Variants in KANK2 observed in about 807,000 individuals in gnomAD.
The protein encoded by KANK2 is KN motif and ankyrin repeat domain-containing protein 2.
Under a neutral mutation model 74.6 loss-of-function variants are expected in KANK2, and 41 were observed. The observed-to-expected ratio is 0.55, with a 90% confidence interval of 0.43 to 0.71. The LOEUF (loss-of-function observed/expected upper bound fraction) is 0.71, where lower values mean the gene tolerates loss of function less well. KANK2 is among the 30% of genes least tolerant of loss of function. The probability of loss-of-function intolerance (pLI) is 0.00; values close to 1 mark genes in which losing one functional copy is unlikely to be tolerated. For missense variants in KANK2, 1,148 were observed against 1,196.4 expected (o/e 0.96, Z 0.60); for synonymous variants, 537 against 519.0 (o/e 1.03, Z -0.47).
intron 4 of KANK2, among the ~76,000 whole-genome samples, chr19:11,187,462 T>C (rs1348893812): frequency 6.6e-6 from 1 of 151,606 alleles, no homozygotes; most frequent in Non-Finnish European, 1.5e-5. Flanking sequence ...AATAAGTTTC[T>C]GGAAGGTGGT....
intron 10 of KANK2, among the ~76,000 whole-genome samples, chr19:11,172,718 C>T (rs1362263966): frequency 6.6e-6 from 1 of 152,152 alleles, no homozygotes; most frequent in Non-Finnish European, 1.5e-5. Context: ...CCATTTCAGT[C>T]CCCAGTTTTC....
In KANK2 at chr19:11,176,090, G is replaced by A. The variant is rs934478402; in HGVS notation, c.1761-101C>T. On this transcript the variant is annotated intron_variant, in intron 7 of 12. Coordinates refer to ENST00000586659, the MANE Select transcript of KANK2 (RefSeq NM_001136191.3). ...CACGTCACTCACAATAGGGTCACCTGAATGGTGGCATCTCAGACCCTCCTT... is the reference window on the plus strand; with the variant it reads ...CACGTCACTCACAATAGGGTCACCTAAATGGTGGCATCTCAGACCCTCCTT... 2.1e-5 allele frequency: 18 copies of A among 853,388 alleles called. No homozygotes were observed. In the South Asian group the frequency reaches 2.9e-4, roughly 14 times the overall value. The allele number at this position is 853,388 out of a possible 1,614,324, so 52.9% of individuals were successfully genotyped here. A position where few individuals can be genotyped will look rare whatever the true frequency, so the allele number is the denominator to read the frequency against.
rs948670847 is a variant in KANK2, at chr19:11,170,765, A to G, written c.2212-517T>C. Among the ~76,000 whole-genome samples the G allele has an allele frequency of 2.0e-5, 3 of 151,986 alleles. No individual in the cohort carries two copies. Among genetic ancestry groups the G allele is most frequent in the African/African-American group, 7.2e-5 (3 of 41,386 alleles). ...GCCACAATGCCTGGCTAATTTTTGT[A>G]TCTTTTGTATAGATAGGGTTTTGCC... On this transcript the variant is annotated intron_variant, in intron 10 of 12. Transcript: ENST00000586659. The surrounding 1 kb of genome is among the most constrained non-coding windows in gnomAD (Gnocchi z 5.2).
chr19:11,185,657 A>G (rs1295690096), intron 4 of KANK2, among the ~76,000 whole-genome samples: 1 of 150,346 alleles, frequency 6.7e-6, no homozygotes, highest in Non-Finnish European at 1.5e-5. Flanking sequence ...AAAATGGAGA[A>G]AGGCTACAAG....
In KANK2 at chr19:11,176,694, C is replaced by G; in HGVS notation, c.1644G>C (p.Arg548Ser). 1 of 1,613,398 alleles carries G rather than the reference C, an allele frequency of 6.2e-7. No homozygotes were observed. The highest frequency in any genetic ancestry group is 2.2e-5 in the East Asian group (1 of 44,852). ...TCTTGGCCGCTGCCGTCCCTGCAGG[C>G]CTGAGCTGGGGGGCTTCGGCCACAC... ...VPSVAEAPQL[R>S]PAGTAAAKTS... The change falls in exon 7 of 13, where the codon AGG (arginine) becomes AGC (serine). Residue 548 changes from arginine to serine, a missense_variant. Arg to Ser is a moderately radical substitution (Grantham distance 110). Transcript: ENST00000586659.
At chr19:11,178,267 A>C in intron 6 of KANK2, 78 bp downstream of exon 6, 4 of 1,129,442 alleles carry the variant, frequency 3.5e-6, no homozygotes, top group Non-Finnish European at 4.6e-6. Flanking sequence ...GAATGAGGTA[A>C]TTAGGAGGCT....
At chr19:11,175,289 G>T (rs142784853) in intron 8 of KANK2, among the ~76,000 whole-genome samples, 1 of 151,582 alleles carries the variant, frequency 6.6e-6, no homozygotes. Flanking sequence ...TTAGCCAGAC[G>T]TGGTGGCACA....
intron 4 of KANK2, among the ~76,000 whole-genome samples, chr19:11,183,440 G>T (rs957315022): frequency 6.6e-6 from 1 of 152,190 alleles, no homozygotes; most frequent in South Asian, 2.1e-4. Context: ...AAGCTAAAGG[G>T]AGATAATGTA....
Position 11,176,788 on chromosome 19 carries a change from G to C in KANK2, c.1550C>G (p.Thr517Arg). The change falls in exon 7 of 13, where the codon ACA (threonine) becomes AGA (arginine). Residue 517 changes from threonine (T) to arginine (R), a missense_variant. Physicochemically the swap from Thr to Arg is moderately conservative, Grantham distance 71. Coordinates refer to ENST00000586659, the MANE Select transcript of KANK2 (RefSeq NM_001136191.3). ...GTCGTTGTCTGAGATGTTCTCTGCT[G>C]TGCTGGAGTCCTCGGATGACGACTC... ...GYESSSEDSS[T>R]AENISDNDST... 1 of 1,560,608 alleles carries C rather than the reference G, an allele frequency of 6.4e-7. No individual in the cohort carries two copies. The highest frequency in any genetic ancestry group is 1.4e-5 in the African/African-American group (1 of 73,386).
rs565712824 is a variant in KANK2 at position 11,182,431 on chromosome 19, T to C, written c.1250-3711A>G. Among the ~76,000 whole-genome samples the C allele has an allele frequency of 2.6e-5, 4 of 151,338 alleles. No individual in the cohort carries two copies. In the East Asian group the frequency reaches 5.8e-4, roughly 22 times the overall value. The stretch of plus-strand genomic sequence containing the variant: ...TACTTGGGACTATACTTGGCTGAGA[T>C]GAAAAGATTGCTTGAGCCCGGGAGT... On this transcript the variant is annotated intron_variant, in intron 4 of 12. Coordinates refer to ENST00000586659, the MANE Select transcript of KANK2 (RefSeq NM_001136191.3).
chr19:11,182,550 AC>A (rs750834297), intron 4 of KANK2, among the ~76,000 whole-genome samples: 16 of 142,592 alleles, frequency 1.1e-4, no homozygotes, highest in Non-Finnish European at 1.7e-4. Context: ...AAAAAACAAA[AC>A]AAAACAAAAA....
intron 4 of KANK2, among the ~76,000 whole-genome samples, chr19:11,192,068 GACA>G (rs986054911): frequency 6.6e-5 from 10 of 151,892 alleles, no homozygotes; most frequent in African/African-American, 1.9e-4. Flanking sequence ...TCTTAATAAC[GACA>G]ACAAGAACAA....
chr19:11,192,911 G>C lies in KANK2; in HGVS notation c.1169C>G (p.Pro390Arg), dbSNP rs1219888539. 1.2e-6 allele frequency: 2 copies of C among 1,613,998 alleles called. No individual in the cohort carries two copies. The highest frequency in any genetic ancestry group is 1.7e-6 in the Non-Finnish European group (2 of 1,180,014). Residue 390 changes from proline to arginine, a missense_variant, in exon 4 of 13, where the codon CCA becomes CGA. Coordinates refer to ENST00000586659, the MANE Select transcript of KANK2 (RefSeq NM_001136191.3). ...RSQEVVETMC[P>R]VPAAATSNVH... ...GTTGCTGGTAGCTGCAGCGGGCACT[G>C]GGCACATTGTCTCCACCACCTCCTG...
chr19:11,166,286 C>T lies in KANK2; in HGVS notation c.*272G>A, dbSNP rs2078020538. On this transcript the variant is annotated 3_prime_UTR_variant, in exon 13 of 13. Coordinates refer to ENST00000586659, the MANE Select transcript of KANK2 (RefSeq NM_001136191.3). ...AATGTTCTTCATAAAACCCACACCC[C>T]AGCATCAGCCCTGGCGCCAATGTAT... 1.1e-5 allele frequency: 4 copies of T among 363,708 alleles called. No homozygotes were observed. The Admixed American group carries it at 1.3e-4, about 12-fold the overall frequency. 22.5% of individuals were successfully genotyped at this position (363,708 alleles called of 1,614,324 possible). A position where few individuals can be genotyped will look rare whatever the true frequency, so the allele number is the denominator to read the frequency against.
chr19:11,181,405 C>T (rs2078515082), intron 4 of KANK2, among the ~76,000 whole-genome samples: 1 of 151,840 alleles, frequency 6.6e-6, no homozygotes, highest in Admixed American at 6.6e-5. Flanking sequence ...AACCACCATG[C>T]CCGGCTAATT....
At chr19:11,191,081 C>T (rs920148918) in intron 4 of KANK2, among the ~76,000 whole-genome samples, 6 of 151,824 alleles carry the variant, frequency 4.0e-5, no homozygotes, top group Non-Finnish European at 7.4e-5. Context: ...CACTCTGTCG[C>T]CCAGGCTGGA....
intron 12 of KANK2, among the ~76,000 whole-genome samples, chr19:11,169,365 AG>A (rs142131591): frequency 0.062 from 9,356 of 152,100 alleles, 323 homozygotes; most frequent in African/African-American, 0.09. Context: ...AAACTCAGCC[AG>A]GTGTGGTGAC....
chr19:11,194,374 G>A (rs907377362), intron 3 of KANK2, 101 bp downstream of exon 3: 4 of 925,480 alleles, frequency 4.3e-6, no homozygotes, highest in South Asian at 1.4e-5. Context: ...TTGTTGGGCT[G>A]TGTCCCACCC....
intron 6 of KANK2, 95 bp downstream of exon 6, chr19:11,178,247 AAGG>A (rs1340887146): frequency 1.9e-6 from 2 of 1,060,526 alleles, no homozygotes; most frequent in Non-Finnish European, 2.6e-6. Context: ...TAACCAAAGC[AAGG>A]AGCTCAGAAT....
Sources: gnomAD v4.1 joint callset for allele counts (sites outside exome capture counted in the v4.1 genomes callset) on GRCh38, gnomAD v4.1.1 for gene constraint, Gnocchi (gnomAD v3.1) non-coding constraint, MANE v1.5 for transcripts, NCBI Gene and HGNC (gene_info 2026-07-23, HGNC 2026-07-21) for gene names.